ZCCHC7: variants seen among roughly 807,000 people sequenced by gnomAD.
The protein encoded by ZCCHC7 is zinc finger CCHC domain-containing protein 7.
Under a neutral mutation model 52.0 loss-of-function variants are expected in ZCCHC7, and 35 were observed. That is an observed-to-expected ratio of 0.67 (90% CI 0.51 to 0.89). The LOEUF (loss-of-function observed/expected upper bound fraction) is 0.89, where lower values mean the gene tolerates loss of function less well. Ranked by LOEUF, ZCCHC7 falls within the 40% of genes least tolerant of loss-of-function variation. The probability of loss-of-function intolerance (pLI) is 0.00; values close to 1 mark genes in which losing one functional copy is unlikely to be tolerated. For missense variants in ZCCHC7, 574 were observed against 649.1 expected (o/e 0.88, Z 1.26); for synonymous variants, 217 against 221.5 (o/e 0.98, Z 0.18).
At chr9:37,238,266 C>T (rs1825738316) in intron 2 of ZCCHC7, among the ~76,000 whole-genome samples, 1 of 152,084 alleles carries the variant, frequency 6.6e-6, no homozygotes, top group African/African-American at 2.4e-5. Context: ...TTTTGCTTTC[C>T]TTCTCCACCT....
At chr9:37,206,406 GGAGTGT>G (rs1232742266) in intron 2 of ZCCHC7, among the ~76,000 whole-genome samples, 2 of 151,686 alleles carry the variant, frequency 1.3e-5, no homozygotes, top group Non-Finnish European at 2.9e-5. Context: ...TGCCCAGGCT[GGAGTGT>G]GGTGGCGCGA....
intron 2 of ZCCHC7, among the ~76,000 whole-genome samples, chr9:37,273,641 A>C (rs983990407): frequency 3.3e-5 from 5 of 152,230 alleles, no homozygotes; most frequent in African/African-American, 1.2e-4. Context: ...GAATTATTAT[A>C]TGAATTCTTA....
At chr9:37,315,118 TAA>T (rs536319223) in intron 5 of ZCCHC7, among the ~76,000 whole-genome samples, 7,576 of 141,974 alleles carry the variant, frequency 0.053, 617 homozygotes, top group African/African-American at 0.18. Flanking sequence ...ATATTTCAGT[TAA>T]AAAAAAAAAA....
At chr9:37,237,832 A>G (rs1825722066) in intron 2 of ZCCHC7, among the ~76,000 whole-genome samples, 1 of 152,168 alleles carries the variant, frequency 6.6e-6, no homozygotes. Flanking sequence ...GATTATTGGG[A>G]TATTTTAATG....
intron 2 of ZCCHC7, among the ~76,000 whole-genome samples, chr9:37,278,564 T>G (rs983144134): frequency 3.9e-5 from 6 of 152,116 alleles, no homozygotes; most frequent in Middle Eastern, 3.4e-3. Context: ...AGAAGGAAAC[T>G]GGGGCCAAAA....
chr9:37,293,406 G>C (rs561052073), intron 2 of ZCCHC7, among the ~76,000 whole-genome samples: 1 of 152,284 alleles, frequency 6.6e-6, no homozygotes, highest in Non-Finnish European at 1.5e-5. Flanking sequence ...CAGATTGCTA[G>C]CTATCAGCAG....
intron 6 of ZCCHC7, among the ~76,000 whole-genome samples, chr9:37,343,271 A>G (rs80328694): frequency 0.051 from 7,827 of 152,304 alleles, 652 homozygotes; most frequent in African/African-American, 0.18. Flanking sequence ...GATTCATTCT[A>G]TAGCAGCAAG....
chr9:37,197,671 C>T (rs568815700), intron 2 of ZCCHC7, among the ~76,000 whole-genome samples: 11 of 152,234 alleles, frequency 7.2e-5, no homozygotes, highest in Non-Finnish European at 1.3e-4. Context: ...AATGAATGTC[C>T]TGGCTTTTAT....
chr9:37,153,989 A>G (rs1267453229), intron 2 of ZCCHC7, among the ~76,000 whole-genome samples: 1 of 152,102 alleles, frequency 6.6e-6, no homozygotes, highest in Non-Finnish European at 1.5e-5. Context: ...TTCAAGTTCT[A>G]AGTGATCCTC....
intron 2 of ZCCHC7, among the ~76,000 whole-genome samples, chr9:37,265,333 C>G (rs557705225): frequency 6.6e-6 from 1 of 152,066 alleles, no homozygotes; most frequent in Non-Finnish European, 1.5e-5. Flanking sequence ...TCCTAGGATC[C>G]TAGGATTCCT....
At chr9:37,196,360 A>G (rs1450709921) in intron 2 of ZCCHC7, among the ~76,000 whole-genome samples, 3 of 152,184 alleles carry the variant, frequency 2.0e-5, no homozygotes, top group Non-Finnish European at 2.9e-5. Context: ...GGAACTAACA[A>G]TAATTTTGTC....
At chr9:37,258,617 A>T (rs1826706773) in intron 2 of ZCCHC7, among the ~76,000 whole-genome samples, 1 of 151,806 alleles carries the variant, frequency 6.6e-6, no homozygotes, top group African/African-American at 2.4e-5. Context: ...TTGGCGTGGC[A>T]CATGCCGGTA....
chr9:37,303,025 T>C (rs144439094), intron 3 of ZCCHC7, among the ~76,000 whole-genome samples: 2 of 152,326 alleles, frequency 1.3e-5, no homozygotes, highest in African/African-American at 4.8e-5. Flanking sequence ...ATTGGGTAGC[T>C]GTACTAACTT....
At position 37,288,029 on chromosome 9, in the gene ZCCHC7, A is replaced by G. The variant is rs922450445; in HGVS notation, c.611-14159A>G. Among the ~76,000 whole-genome samples the G allele has an allele frequency of 7.2e-5, 11 of 152,184 alleles. No homozygotes were observed. The South Asian group carries it at 2.3e-3, about 32-fold the overall frequency. On this transcript the variant is annotated intron_variant, in intron 2 of 8. Transcript: ENST00000336755. ...TGCAGTGGCTCATGCCTGTAATCCA[A>G]GCAGTTTGGAAGGCTGAGGTAGGTG...
chr9:37,262,807 T>C (rs751412789), intron 2 of ZCCHC7, among the ~76,000 whole-genome samples: 6 of 152,210 alleles, frequency 3.9e-5, no homozygotes, highest in Non-Finnish European at 5.9e-5. Flanking sequence ...TTCTCCCACG[T>C]TCTTGTAGGC....
chr9:37,256,104 G>T (rs1384853719), intron 2 of ZCCHC7, among the ~76,000 whole-genome samples: 3 of 152,028 alleles, frequency 2.0e-5, no homozygotes, highest in Non-Finnish European at 2.9e-5. Flanking sequence ...TTTCTGACTG[G>T]TTACTAGCTT....
chr9:37,157,585 A>G (rs1228307181), intron 2 of ZCCHC7, among the ~76,000 whole-genome samples: 12 of 152,242 alleles, frequency 7.9e-5, no homozygotes, highest in Non-Finnish European at 1.5e-5. Flanking sequence ...AGGAACTCAT[A>G]ATACATATTT....
intron 6 of ZCCHC7, among the ~76,000 whole-genome samples, chr9:37,332,258 G>C (rs1176137258): frequency 1.3e-5 from 2 of 151,462 alleles, no homozygotes; most frequent in East Asian, 3.9e-4. Context: ...GAAGGCACAT[G>C]ACTCTTTTGT....
At chr9:37,220,719 A>G (rs1034331148) in intron 2 of ZCCHC7, among the ~76,000 whole-genome samples, 11 of 152,150 alleles carry the variant, frequency 7.2e-5, no homozygotes, top group African/African-American at 2.7e-4. Context: ...GTGAAGGTAT[A>G]GTTTATATAA....
Sources: allele counts gnomAD v4.1 joint callset (sites outside exome capture counted in the v4.1 genomes callset), GRCh38; gene constraint gnomAD v4.1.1; transcripts MANE v1.5; gene names NCBI Gene and HGNC (gene_info 2026-07-23, HGNC 2026-07-21).